Variants in PTPRR observed in about 807,000 individuals in gnomAD.
PTPRR encodes receptor-type tyrosine-protein phosphatase R.
In PTPRR, 38 loss-of-function variants were observed where a neutral mutation model predicts 77.2. The observed-to-expected ratio is 0.49, with a 90% CI of 0.38 to 0.65. PTPRR has a LOEUF of 0.65. Ranked by LOEUF, PTPRR falls within the 30% of genes least tolerant of loss-of-function variation. The pLI is 0.00. For synonymous variants in PTPRR, 299 were observed against 283.1 expected, an observed-to-expected ratio of 1.06 and a Z score of -0.57; for missense variants, 744 against 799.2, an observed-to-expected ratio of 0.93 and a Z score of 0.83.
chr12:70,719,106 C>T (rs1461754378), intron 6 of PTPRR, among the ~76,000 whole-genome samples: 9 of 152,118 alleles, frequency 5.9e-5, no homozygotes. Context: ...GTTCTTCAGA[C>T]CTCAGCAAGT....
chr12:70,801,705 T>C (rs1185945654), intron 2 of PTPRR, among the ~76,000 whole-genome samples: 1 of 152,094 alleles, frequency 6.6e-6, no homozygotes, highest in African/African-American at 2.4e-5. Context: ...TTGGGACTTC[T>C]CAACCTCCAT....
chr12:70,724,421 A>T (rs1565667108), intron 6 of PTPRR, among the ~76,000 whole-genome samples: 2 of 152,188 alleles, frequency 1.3e-5, no homozygotes, highest in South Asian at 4.1e-4. Flanking sequence ...CTGGAATTCT[A>T]TGAGGCTTAA....
rs76676348 is a variant in PTPRR, at chr12:70,712,977, A to G, written c.1008-11654T>C. On this transcript the variant is annotated intron_variant, in intron 6 of 13. Transcript: ENST00000283228. ...ACTTAGTTGTATAAGCATCACTACA[A>G]TAAATTTTAAAGCATTTTCCTCACT... Among the ~76,000 whole-genome samples, 1,330 of 152,258 alleles carry G rather than the reference A, an allele frequency of 8.7e-3. 20 individuals are homozygous for G. Among genetic ancestry groups the G allele is most frequent in the African/African-American group, 0.03 (1,226 of 41,558 alleles).
chr12:70,682,608 G>A (rs1329703186), intron 10 of PTPRR, among the ~76,000 whole-genome samples: 1 of 151,698 alleles, frequency 6.6e-6, no homozygotes, highest in Non-Finnish European at 1.5e-5. Context: ...AGGTTTTTCA[G>A]GTTATCTAGT....
chr12:70,866,954 C>A (rs1892862829), intron 2 of PTPRR, among the ~76,000 whole-genome samples: 2 of 151,506 alleles, frequency 1.3e-5, no homozygotes, highest in African/African-American at 2.4e-5. Context: ...TCAATAGATG[C>A]AGAAAAGGCC....
chr12:70,895,132 A>G (rs1893404573), intron 1 of PTPRR, among the ~76,000 whole-genome samples: 1 of 151,704 alleles, frequency 6.6e-6, no homozygotes, highest in Non-Finnish European at 1.5e-5. Flanking sequence ...TAAGACGTAT[A>G]TGTTGGTCAC....
intron 6 of PTPRR, among the ~76,000 whole-genome samples, chr12:70,722,161 C>T (rs1219036225): frequency 1.3e-5 from 2 of 152,120 alleles, no homozygotes; most frequent in African/African-American, 4.8e-5. Context: ...ACCCAGGGTC[C>T]TTTTAGGTCT....
At chr12:70,762,035 ACTCT>A (rs907770634) in intron 3 of PTPRR, among the ~76,000 whole-genome samples, 9 of 151,748 alleles carry the variant, frequency 5.9e-5, no homozygotes, top group Admixed American at 2.6e-4. Flanking sequence ...AGACATCACC[ACTCT>A]CTCTATTATT....
chr12:70,686,423 C>T (rs773845083), intron 8 of PTPRR, among the ~76,000 whole-genome samples: 4 of 152,142 alleles, frequency 2.6e-5, no homozygotes, highest in Non-Finnish European at 5.9e-5. Context: ...CAGAAAAAGG[C>T]TAACCAGCCC....
chr12:70,782,281 C>T (rs931300187), intron 2 of PTPRR, among the ~76,000 whole-genome samples: 4 of 152,002 alleles, frequency 2.6e-5, no homozygotes, highest in African/African-American at 7.2e-5. Context: ...CTGCCACATT[C>T]GATTCCTCAA....
chr12:70,866,409 T>C (rs1183291221), intron 2 of PTPRR, among the ~76,000 whole-genome samples: 9 of 151,208 alleles, frequency 6.0e-5, no homozygotes, highest in East Asian at 3.9e-4. Context: ...AACACCTCTA[T>C]GCAAATAAAC....
At chr12:70,853,190 G>A (rs1218938256) in intron 2 of PTPRR, among the ~76,000 whole-genome samples, 3 of 152,024 alleles carry the variant, frequency 2.0e-5, no homozygotes, top group Non-Finnish European at 2.9e-5. Context: ...CTGTGCTAAG[G>A]GCTTCTCATA....
At chr12:70,750,044 G>T (rs908384578) in intron 5 of PTPRR, among the ~76,000 whole-genome samples, 6 of 152,124 alleles carry the variant, frequency 3.9e-5, no homozygotes, top group African/African-American at 1.4e-4. Flanking sequence ...TTGGAAAACT[G>T]TATTTTTCTA....
chr12:70,920,601 T>C lies in PTPRR; in HGVS notation c.-211A>G. Reference sequence around the variant, plus strand: ...GGGAGAGAGGAAGAGCAGTAGGAGGTTGCGGGTAAGGGGAACAGAAGCGCT... The same window carrying C: ...GGGAGAGAGGAAGAGCAGTAGGAGGCTGCGGGTAAGGGGAACAGAAGCGCT... On this transcript the variant is annotated 5_prime_UTR_variant, in exon 1 of 14. Coordinates refer to ENST00000283228, the MANE Select transcript of PTPRR (RefSeq NM_002849.4). 3.8e-6 allele frequency: 2 copies of C among 524,314 alleles called. No homozygotes were observed. Among genetic ancestry groups the C allele is most frequent in the South Asian group, 4.1e-5 (2 of 48,660 alleles). The allele number at this position is 524,314 out of a possible 1,614,324, so 32.5% of individuals were successfully genotyped here. A position where few individuals can be genotyped will look rare whatever the true frequency, so the allele number is the denominator to read the frequency against.
In PTPRR at chr12:70,917,352, T is replaced by G. The variant is rs1383515268; in HGVS notation, c.58+2981A>C. Among the ~76,000 whole-genome samples the G allele has an allele frequency of 2.6e-5, 4 of 152,170 alleles. No individual in the cohort carries two copies. The East Asian group carries it at 7.7e-4, about 29-fold the overall frequency. The stretch of plus-strand genomic sequence containing the variant: ...AACCAGTGTATAATTTTATATAGTA[T>G]GCAACCACGGGTCTGGAAACCTGGG... On this transcript the variant is annotated intron_variant, in intron 1 of 13. Transcript: ENST00000283228.
chr12:70,740,749 G>A (rs1336183735), intron 6 of PTPRR, among the ~76,000 whole-genome samples: 1 of 152,116 alleles, frequency 6.6e-6, no homozygotes, highest in Non-Finnish European at 1.5e-5. Context: ...ATTGGGACAA[G>A]TGACTTATAA....
chr12:70,643,339 T>TTG (rs1886078158), intron 13 of PTPRR, among the ~76,000 whole-genome samples: 1 of 151,632 alleles, frequency 6.6e-6, no homozygotes, highest in Non-Finnish European at 1.5e-5. Context: ...TTTGTTTTGT[T>TTG]TGTTTTGTTT....
intron 1 of PTPRR, among the ~76,000 whole-genome samples, chr12:70,912,957 C>T (rs534955758): frequency 1.2e-4 from 19 of 152,096 alleles, no homozygotes; most frequent in African/African-American, 4.6e-4. Context: ...CACTCATGGG[C>T]CAAGTAGAAT....
intron 6 of PTPRR, among the ~76,000 whole-genome samples, chr12:70,740,899 C>CAT (rs57803027): frequency 0.02 from 3,103 of 151,730 alleles, 96 homozygotes; most frequent in African/African-American, 0.069. Flanking sequence ...TTAGAACACA[C>CAT]ATATATATAT....
Sources: gnomAD v4.1 joint callset for allele counts (sites outside exome capture counted in the v4.1 genomes callset) on GRCh38, gnomAD v4.1.1 for gene constraint, MANE v1.5 for transcripts, NCBI Gene and HGNC (gene_info 2026-07-23, HGNC 2026-07-21) for gene names.